IARS1: variants seen among roughly 807,000 people sequenced by gnomAD.
The protein encoded by IARS1 is isoleucyl-tRNA synthetase 1, also known as isoleucine--tRNA ligase, cytoplasmic.
IARS1 carries 124 observed loss-of-function variants against 168.2 expected under a neutral mutation model. The observed-to-expected ratio is 0.74, with a 90% confidence interval of 0.64 to 0.86. The LOEUF (loss-of-function observed/expected upper bound fraction) is 0.86. IARS1 is among the 40% of genes least tolerant of loss of function. IARS1 has a pLI of 0.00. For synonymous variants in IARS1, 532 were observed against 529.4 expected (o/e 1.00, Z -0.07); for missense variants, 1,452 against 1,515.8 (o/e 0.96, Z 0.70).
In IARS1 at chr9:92,293,613, G is replaced by A; in HGVS notation, c.-10C>T. 2.8e-6 allele frequency: 1 copy of A among 353,386 alleles called. No homozygotes were observed. The highest frequency in any genetic ancestry group is 5.9e-6 in the Non-Finnish European group (1 of 169,520). 21.9% of individuals were successfully genotyped at this position (353,386 alleles called of 1,614,324 possible). On this transcript the variant is annotated splice_region_variant and 5_prime_UTR_variant, in exon 1 of 34. Transcript: ENST00000443024. ...CCTGCAGGGAAGAGAGGGCGTACCT[G>A]AGGGGCCTCGCGTGCCTGGACAGCC...
At chr9:92,242,839 C>G (rs1027558066) in intron 28 of IARS1, 3 of 225,384 alleles carry the variant, frequency 1.3e-5, no homozygotes, top group African/African-American at 6.9e-5. Flanking sequence ...AACTACCCAA[C>G]TCTGTCCAAA....
rs767469501 is a variant in IARS1, at chr9:92,250,840, T to A, written c.2308-6A>T. 1.3e-6 allele frequency: 2 copies of A among 1,598,220 alleles called. No homozygotes were observed. Among genetic ancestry groups the A allele is most frequent in the African/African-American group, 2.7e-5 (2 of 74,392 alleles). ...AGAAAAGGTGTGTAGGGAGCCTGTA[T>A]GAAGACACAGGACATCATGTCAGTT... On this transcript the variant is annotated splice_region_variant and splice_polypyrimidine_tract_variant and intron_variant, in intron 22 of 33. Coordinates refer to ENST00000443024, the MANE Select transcript of IARS1 (RefSeq NM_002161.6).
intron 33 of IARS1, among the ~76,000 whole-genome samples, chr9:92,217,954 A>T (rs375716324): frequency 1.3e-5 from 2 of 152,082 alleles, no homozygotes; most frequent in South Asian, 2.1e-4. Context: ...TACCAAAGCC[A>T]GGCAGAGACA....
In IARS1 at chr9:92,222,661, C is replaced by T; in HGVS notation, c.3565G>A (p.Gly1189Arg). The change falls in exon 33 of 34, where the codon GGG (glycine) becomes AGG (arginine). Residue 1189 changes from glycine to arginine, a missense_variant. Gly to Arg is a moderately radical substitution (Grantham distance 125, BLOSUM62 -2). Transcript: ENST00000443024. The part of the protein sequence containing the change: ...LNAKPQECLM[G>R]TVGTLLLENP... ...TCAAGCAGGAGAGTGCCCACTGTCC[C>T]CATTAAACACTCTGTGGAAGACAGA... The T allele has an allele frequency of 6.2e-7, 1 of 1,613,876 alleles. No individual in the cohort carries two copies. The highest frequency in any genetic ancestry group is 8.5e-7 in the Non-Finnish European group (1 of 1,179,954).
At chr9:92,290,347 T>C (rs1301289779) in intron 1 of IARS1, among the ~76,000 whole-genome samples, 1 of 152,242 alleles carries the variant, frequency 6.6e-6, no homozygotes, top group African/African-American at 2.4e-5. Context: ...CATTTGCGTA[T>C]CCACGTTGGA....
chr9:92,224,832 C>CAAAAAAG (rs1554723796), intron 31 of IARS1, among the ~76,000 whole-genome samples: 1 of 148,470 alleles, frequency 6.7e-6, no homozygotes, highest in Non-Finnish European at 1.5e-5. Context: ...GACCCTGTCT[C>CAAAAAAG]AAAAAATAAA....
intron 33 of IARS1, among the ~76,000 whole-genome samples, chr9:92,219,969 G>A (rs1423358430): frequency 2.0e-5 from 3 of 150,792 alleles, no homozygotes; most frequent in Admixed American, 6.6e-5. Context: ...ACATGCACAC[G>A]TATGTTTATT....
chr9:92,266,816 G>A (rs994287637), intron 14 of IARS1, among the ~76,000 whole-genome samples: 5 of 152,176 alleles, frequency 3.3e-5, no homozygotes, highest in African/African-American at 1.2e-4. Context: ...GTAGCCTGAG[G>A]TCCTCCCCAC....
In IARS1 at chr9:92,259,135, T is replaced by G. The variant is rs1017240025; in HGVS notation, c.1872-137A>C. 3.5e-5 allele frequency: 26 copies of G among 751,054 alleles called. 2 individuals carry two copies. In the South Asian group the frequency reaches 5.1e-4, roughly 15 times the overall value. 46.5% of individuals were successfully genotyped at this position (751,054 alleles called of 1,614,324 possible). ...GGGGTAATTATGAATACTCTTTGAG[T>G]GGTCAATTTAAAACTCACAAAACTC... On this transcript the variant is annotated intron_variant, in intron 18 of 33. Coordinates refer to ENST00000443024, the MANE Select transcript of IARS1 (RefSeq NM_002161.6).
At chr9:92,226,807 C>CTT (rs748657152) in intron 31 of IARS1, among the ~76,000 whole-genome samples, 4 of 135,368 alleles carry the variant, frequency 3.0e-5, no homozygotes, top group Middle Eastern at 3.9e-3. Context: ...TGGCCACCTT[C>CTT]TTTTTTTTTT....
At position 92,268,226 on chromosome 9, in the gene IARS1, T is replaced by C. The variant is rs753887895; in HGVS notation, c.1379A>G (p.Asn460Ser). The change falls in exon 14 of 34, where the codon AAC becomes AGC. Residue 460 changes from asparagine (N) to serine (S), a missense_variant. Asn to Ser is a conservative substitution (Grantham distance 46). Transcript: ENST00000443024. ...TGGGATGGGGGTGCCCCAGTATCTGTTTCTGGAAATTGTCCAGTCACGTGC... is the reference window on the plus strand; with the variant it reads ...TGGGATGGGGGTGCCCCAGTATCTGCTTCTGGAAATTGTCCAGTCACGTGC... ...KDARDWTISR[N>S]RYWGTPIPLW... 1 of 1,612,016 alleles carries C rather than the reference T, an allele frequency of 6.2e-7. No individual in the cohort carries two copies. Among genetic ancestry groups the C allele is most frequent in the South Asian group, 1.1e-5 (1 of 90,554 alleles).
At chr9:92,222,792 G>A (rs1474134453) in intron 32 of IARS1, 120 bp from the exon 33 acceptor site, 10 of 864,356 alleles carry the variant, frequency 1.2e-5, no homozygotes, top group African/African-American at 3.4e-5. Context: ...GTCCAGGAGC[G>A]TGAGTGTGAC....
At chr9:92,212,873 A>C (rs1183805970) in intron 33 of IARS1, among the ~76,000 whole-genome samples, 1 of 152,278 alleles carries the variant, frequency 6.6e-6, no homozygotes, top group East Asian at 1.9e-4. Flanking sequence ...TAAGAGAATA[A>C]GGAGCTTTGG....
intron 30 of IARS1, among the ~76,000 whole-genome samples, chr9:92,233,938 T>G (rs1827099457): frequency 1.3e-5 from 2 of 152,140 alleles, no homozygotes; most frequent in African/African-American, 4.8e-5. Flanking sequence ...GTTTTTTATT[T>G]CTTGTAGAGA....
chr9:92,214,754 C>T (rs1672379351), intron 33 of IARS1, among the ~76,000 whole-genome samples: 1 of 152,262 alleles, frequency 6.6e-6, no homozygotes, highest in African/African-American at 2.4e-5. Flanking sequence ...TACCCCGCAC[C>T]TAGCTCGGAG....
intron 1 of IARS1, among the ~76,000 whole-genome samples, chr9:92,289,874 T>C (rs1008884936): frequency 5.3e-5 from 8 of 152,264 alleles, no homozygotes; most frequent in Admixed American, 1.3e-4. Context: ...CATGATGTAA[T>C]ATGTATTCAT....
At chr9:92,289,206 C>CAAAAAAAA (rs11438082) in intron 2 of IARS1, 95 bp downstream of exon 2, 2 of 327,486 alleles carry the variant, frequency 6.1e-6, no homozygotes, top group East Asian at 6.1e-5. Flanking sequence ...GACTCCATCT[C>CAAAAAAAA]AAAAAAAAAA....
At chr9:92,249,338 G>C (rs187882048) in intron 25 of IARS1, among the ~76,000 whole-genome samples, 35 of 152,302 alleles carry the variant, frequency 2.3e-4, no homozygotes, top group East Asian at 9.7e-4. Context: ...GATCACTTGA[G>C]GTCAGGAGTT....
chr9:92,232,717 G>C (rs1826911746), intron 30 of IARS1, among the ~76,000 whole-genome samples: 1 of 152,170 alleles, frequency 6.6e-6, no homozygotes, highest in Non-Finnish European at 1.5e-5. Context: ...GGGAGGCTGA[G>C]GTAGGAGGAT....
Sources: gnomAD v4.1 joint callset for allele counts (sites outside exome capture counted in the v4.1 genomes callset) on GRCh38, gnomAD v4.1.1 for gene constraint, MANE v1.5 for transcripts, NCBI Gene and HGNC (gene_info 2026-07-23, HGNC 2026-07-21) for gene names.